Variants in MARCHF2 observed in about 807,000 individuals in gnomAD.
The protein encoded by MARCHF2 is E3 ubiquitin-protein ligase MARCHF2.
Under a neutral mutation model 24.0 loss-of-function variants are expected in MARCHF2, and 22 were observed. That is an observed-to-expected ratio of 0.92 (90% confidence interval 0.66 to 1.31). The LOEUF (loss-of-function observed/expected upper bound fraction) is 1.31, where lower values mean the gene tolerates loss of function less well. Among genes scored for constraint, MARCHF2 ranks in the 50% most tolerant of loss-of-function variants. The probability of loss-of-function intolerance (pLI) is 0.00; values close to 1 mark genes in which losing one functional copy is unlikely to be tolerated. For missense variants in MARCHF2, 301 were observed against 335.3 expected (o/e 0.90, Z 0.80); for synonymous variants, 154 against 153.0 (o/e 1.01, Z -0.05).
chr19:8,421,233 C>T (rs1434582076), intron 1 of MARCHF2, among the ~76,000 whole-genome samples: 1 of 151,794 alleles, frequency 6.6e-6, no homozygotes, highest in Non-Finnish European at 1.5e-5. Context: ...AGCGATTGTC[C>T]CGCCTCAGCC....
intron 1 of MARCHF2, among the ~76,000 whole-genome samples, chr19:8,415,418 AAAAG>A (rs1967050497): frequency 6.7e-6 from 1 of 149,126 alleles, no homozygotes; most frequent in Middle Eastern, 3.6e-3. Flanking sequence ...AAAAACAGAC[AAAAG>A]AAAGAAAAGA....
Position 8,438,729 on chromosome 19 carries a change from GT to G in MARCHF2, c.*202del, listed in dbSNP as rs370862443. 0.13 allele frequency: 47,423 copies of G among 369,210 alleles called. 642 individuals carry two copies. The highest frequency in any genetic ancestry group is 0.23 in the African/African-American group (9,136 of 39,276). 22.9% of individuals were successfully genotyped at this position (369,210 alleles called of 1,614,324 possible). A position where few individuals can be genotyped will look rare whatever the true frequency, so the allele number is the denominator to read the frequency against. ...GATCCTGTGTGAAGATATTTTCAGG[GT>G]TTTTTTTTTTTTTTTTTTGCATATG... On this transcript the variant is annotated 3_prime_UTR_variant, in exon 5 of 5. Coordinates refer to ENST00000215555, the MANE Select transcript of MARCHF2 (RefSeq NM_001005415.2).
rs142383974 is a variant in MARCHF2, at chr19:8,423,985, C to CAA, written c.176+1986_176+1987dup. On this transcript the variant is annotated intron_variant, in intron 2 of 4. Transcript: ENST00000215555. ...CCACTGCACTCCAGCCTGGGTGACT[C>CAA]AAAAAAAAAAAAAAAAAAGAAAGAA... 4.6e-4 allele frequency among the ~76,000 whole-genome samples: 48 copies of CAA among 104,800 alleles called. 1 individual carries two copies. Among genetic ancestry groups the CAA allele is most frequent in the East Asian group, 2.1e-3 (7 of 3,266 alleles). 68.8% of individuals were successfully genotyped at this position (104,800 alleles called of 152,430 possible).
At chr19:8,429,160 TC>T (rs1215619265) in intron 3 of MARCHF2, among the ~76,000 whole-genome samples, 1 of 144,108 alleles carries the variant, frequency 6.9e-6, no homozygotes, top group East Asian at 1.9e-4. Flanking sequence ...GAGCCCCATC[TC>T]CCCCATTCTT....
At chr19:8,436,494 C>G (rs1472608207) in intron 4 of MARCHF2, among the ~76,000 whole-genome samples, 1 of 151,966 alleles carries the variant, frequency 6.6e-6, no homozygotes, top group Non-Finnish European at 1.5e-5. Context: ...TCTGTGCTCT[C>G]TCTATTCATG....
intron 4 of MARCHF2, among the ~76,000 whole-genome samples, chr19:8,431,937 C>G (rs971078419): frequency 6.9e-6 from 1 of 144,964 alleles, no homozygotes; most frequent in Admixed American, 6.9e-5. Context: ...CAGGCGGATT[C>G]CTTGAGGTCA....
chr19:8,419,783 T>G, intron 1 of MARCHF2, among the ~76,000 whole-genome samples: 1 of 140,852 alleles, frequency 7.1e-6, no homozygotes, highest in East Asian at 2.0e-4. Flanking sequence ...GCCACTGCAC[T>G]CCAGCCTGGG....
At chr19:8,420,230 C>T (rs1194233561) in intron 1 of MARCHF2, among the ~76,000 whole-genome samples, 2 of 150,922 alleles carry the variant, frequency 1.3e-5, no homozygotes, top group Non-Finnish European at 2.9e-5. Context: ...CCCCTGTAAT[C>T]CCAGCTACTT....
rs1230223487 is a variant in MARCHF2, at chr19:8,415,735, CAAAAA to C, written c.-53+2319_-53+2323del. ...AAACTCCATCTCAAAAAAAAAAAAACAAAAAAAACAAAAAAAAAAACCAGACAAAA... is the reference window on the plus strand; with the variant it reads ...AAACTCCATCTCAAAAAAAAAAAAACAAACAAAAAAAAAAACCAGACAAAA... On this transcript the variant is annotated intron_variant, in intron 1 of 4. Coordinates refer to ENST00000215555, the MANE Select transcript of MARCHF2 (RefSeq NM_001005415.2). Among the ~76,000 whole-genome samples, 11 of 96,724 alleles carry C rather than the reference CAAAAA, an allele frequency of 1.1e-4. 1 individual carries two copies. Among genetic ancestry groups the C allele is most frequent in the African/African-American group, 4.1e-4 (11 of 27,136 alleles). 63.5% of individuals were successfully genotyped at this position (96,724 alleles called of 152,430 possible). A position where few individuals can be genotyped will look rare whatever the true frequency, so the allele number is the denominator to read the frequency against.
intron 4 of MARCHF2, among the ~76,000 whole-genome samples, chr19:8,433,602 G>C (rs552821349): frequency 2.0e-5 from 3 of 151,508 alleles, no homozygotes; most frequent in Non-Finnish European, 4.4e-5. Context: ...ATTGAACCTG[G>C]GAGGCAGATG....
chr19:8,438,360 C>G (rs778132222), intron 4 of MARCHF2, 28 bp from the exon 5 acceptor site: 18 of 1,611,436 alleles, frequency 1.1e-5, no homozygotes, highest in Non-Finnish European at 1.5e-5. Context: ...GGGTGGAGGC[C>G]TCCGCTCACT....
At chr19:8,416,293 G>A (rs1233875068) in intron 1 of MARCHF2, among the ~76,000 whole-genome samples, 3 of 144,078 alleles carry the variant, frequency 2.1e-5, no homozygotes, top group East Asian at 4.3e-4. Flanking sequence ...AGTGAGCTGA[G>A]ATCGGCCACT....
chr19:8,423,805 G>C (rs551071702), intron 2 of MARCHF2: 2 of 152,110 alleles, frequency 1.3e-5, no homozygotes, highest in South Asian at 4.1e-4. Flanking sequence ...CTCAAGACCA[G>C]CCTGGTCAAC....
intron 4 of MARCHF2, among the ~76,000 whole-genome samples, chr19:8,432,098 C>T (rs1233780622): frequency 1.3e-5 from 2 of 151,840 alleles, no homozygotes; most frequent in Non-Finnish European, 2.9e-5. Context: ...CCAGAGGTTG[C>T]AATGAGCTGA....
chr19:8,414,345 T>C (rs1967023890), intron 1 of MARCHF2, among the ~76,000 whole-genome samples: 1 of 151,970 alleles, frequency 6.6e-6, no homozygotes, highest in East Asian at 1.9e-4. Context: ...TCTGAGCTCA[T>C]TGCAACCTCT....
chr19:8,413,365 C>T lies in MARCHF2; in HGVS notation c.-108C>T, dbSNP rs953431730. The T allele has an allele frequency of 2.0e-5, 3 of 151,674 alleles. No homozygotes were observed. Among genetic ancestry groups the T allele is most frequent in the African/African-American group, 7.3e-5 (3 of 41,362 alleles). The allele number at this position is 151,674 out of a possible 1,614,324, so 9.4% of individuals were successfully genotyped here. ...CCGACGGGCCGGGCCGGGCCGGGAC[C>T]GGGGCCGAGGCGAACCGAGGGGCCT... On this transcript the variant is annotated 5_prime_UTR_variant, in exon 1 of 5. Transcript: ENST00000215555.
intron 1 of MARCHF2, among the ~76,000 whole-genome samples, chr19:8,415,722 AAAAAAAAAAAAAC>A (rs1266020607): frequency 1.5e-5 from 1 of 67,434 alleles, no homozygotes; most frequent in Non-Finnish European, 3.0e-5. Context: ...ACTCCATCTC[AAAAAAAAAAAAAC>A]AAAAAAAACA....
chr19:8,425,251 A>G (rs894661799), intron 2 of MARCHF2, among the ~76,000 whole-genome samples: 2 of 151,786 alleles, frequency 1.3e-5, no homozygotes, highest in African/African-American at 2.4e-5. Flanking sequence ...GCATGGTGGC[A>G]TGTGCCTGTA....
chr19:8,430,600 C>T lies in MARCHF2; in HGVS notation c.373-58C>T, dbSNP rs1166108594. 12 of 1,437,472 alleles carry T rather than the reference C, an allele frequency of 8.3e-6. No individual in the cohort carries two copies. Among genetic ancestry groups the T allele is most frequent in the Non-Finnish European group, 1.2e-5 (12 of 1,034,664 alleles). 89.0% of individuals were successfully genotyped at this position (1,437,472 alleles called of 1,614,324 possible). A position where few individuals can be genotyped will look rare whatever the true frequency, so the allele number is the denominator to read the frequency against. On this transcript the variant is annotated intron_variant, in intron 3 of 4. Coordinates refer to ENST00000215555, the MANE Select transcript of MARCHF2 (RefSeq NM_001005415.2). This position sits in a 1 kb window ranked among gnomAD's most constrained non-coding sequence, Gnocchi z 4.4. Reference sequence around the variant, plus strand: ...CTAGGCCTGGAGGTCCTTACCCCTCCCCCTCAGTAGCCCCTTCTCTGCCCC... The same window carrying T: ...CTAGGCCTGGAGGTCCTTACCCCTCTCCCTCAGTAGCCCCTTCTCTGCCCC...
Sources: gnomAD v4.1 joint callset for allele counts (sites outside exome capture counted in the v4.1 genomes callset) on GRCh38, gnomAD v4.1.1 for gene constraint, Gnocchi (gnomAD v3.1) non-coding constraint, MANE v1.5 for transcripts, NCBI Gene and HGNC (gene_info 2026-07-23, HGNC 2026-07-21) for gene names.